ADCY8: variants seen among roughly 807,000 people sequenced by gnomAD.
ADCY8 encodes the protein adenylate cyclase 8.
ADCY8 carries 51 observed loss-of-function variants against 119.7 expected under a neutral mutation model. The observed-to-expected ratio is 0.43, with a 90% confidence interval of 0.34 to 0.54. ADCY8 has a LOEUF of 0.54. Ranked by LOEUF, ADCY8 falls within the 20% of genes least tolerant of loss-of-function variation. The pLI is 0.03. For synonymous variants in ADCY8, 665 were observed against 651.0 expected (o/e 1.02, Z -0.33); for missense variants, 1,383 against 1,598.8 (o/e 0.87, Z 2.30).
intron 16 of ADCY8, among the ~76,000 whole-genome samples, chr8:130,785,037 T>C (rs551834596): frequency 1.9e-4 from 29 of 152,326 alleles, no homozygotes; most frequent in Admixed American, 5.9e-4. Context: ...GTAAGACTTT[T>C]GAAAGACAAA....
At chr8:130,928,818 G>T (rs1820546701) in intron 5 of ADCY8, among the ~76,000 whole-genome samples, 1 of 152,094 alleles carries the variant, frequency 6.6e-6, no homozygotes, top group Non-Finnish European at 1.5e-5. Context: ...AAATGAGGGT[G>T]GAAACAGTTT....
At chr8:130,918,738 T>C (rs1019725027) in intron 5 of ADCY8, among the ~76,000 whole-genome samples, 1 of 152,152 alleles carries the variant, frequency 6.6e-6, no homozygotes, top group Non-Finnish European at 1.5e-5. Context: ...AACCCTTCCA[T>C]TGGACAACCT....
chr8:130,895,968 C>T lies in ADCY8; in HGVS notation c.1911+7804G>A, dbSNP rs953625027. Reference sequence around the variant, plus strand: ...GGGGAGGAATTTCAGGTCAGAATTCCCTGTAGGGAAAGAGAAATCTGTGCT... The same window carrying T: ...GGGGAGGAATTTCAGGTCAGAATTCTCTGTAGGGAAAGAGAAATCTGTGCT... On this transcript the variant is annotated intron_variant, in intron 7 of 17. Transcript: ENST00000286355. 5.3e-5 allele frequency among the ~76,000 whole-genome samples: 8 copies of T among 152,028 alleles called. No homozygotes were observed. In the South Asian group the frequency reaches 1.7e-3, roughly 32 times the overall value.
At chr8:130,854,988 C>T (rs533112737) in intron 9 of ADCY8, among the ~76,000 whole-genome samples, 2 of 146,512 alleles carry the variant, frequency 1.4e-5, no homozygotes, top group Non-Finnish European at 3.0e-5. Flanking sequence ...AGACCAGATA[C>T]ATTGTTCTAT....
At chr8:130,933,613 T>A (rs138020671) in intron 5 of ADCY8, among the ~76,000 whole-genome samples, 1 of 152,340 alleles carries the variant, frequency 6.6e-6, no homozygotes, top group East Asian at 1.9e-4. Context: ...GTTGTTTGGA[T>A]ATCAACAGAT....
intron 5 of ADCY8, among the ~76,000 whole-genome samples, chr8:130,935,938 A>C (rs140100544): frequency 6.6e-6 from 1 of 152,272 alleles, no homozygotes; most frequent in East Asian, 1.9e-4. Flanking sequence ...TCCACCTTTA[A>C]AATCTCTCTA....
intron 15 of ADCY8, 88 bp downstream of exon 15, chr8:130,800,338 A>AT (rs1312082902): frequency 1.3e-5 from 20 of 1,539,968 alleles, no homozygotes; most frequent in Non-Finnish European, 1.5e-5. Context: ...GTGCAAAAAA[A>AT]AAAAATAAGT....
intron 7 of ADCY8, among the ~76,000 whole-genome samples, chr8:130,897,912 C>T (rs1434484603): frequency 6.6e-6 from 1 of 151,170 alleles, no homozygotes; most frequent in East Asian, 2.0e-4. Context: ...TACATGCACA[C>T]TACACATATA....
At chr8:130,817,322 T>C (rs1270752684) in intron 13 of ADCY8, among the ~76,000 whole-genome samples, 1 of 152,228 alleles carries the variant, frequency 6.6e-6, no homozygotes, top group Non-Finnish European at 1.5e-5. Context: ...ATAGATTTTC[T>C]AGCTCTGCCC....
chr8:130,786,244 A>G (rs1392322656), intron 15 of ADCY8, among the ~76,000 whole-genome samples: 1 of 152,196 alleles, frequency 6.6e-6, no homozygotes, highest in Admixed American at 6.5e-5. Flanking sequence ...CAGCACCTAG[A>G]CAGACTGTAG....
intron 8 of ADCY8, among the ~76,000 whole-genome samples, chr8:130,869,925 T>TCC (rs1418723429): frequency 6.9e-6 from 1 of 144,672 alleles, no homozygotes; most frequent in Admixed American, 6.8e-5. Flanking sequence ...CTAAAATTCC[T>TCC]CCTCCTCCTC....
At chr8:130,801,426 T>C (rs1392367956) in intron 14 of ADCY8, among the ~76,000 whole-genome samples, 2 of 152,220 alleles carry the variant, frequency 1.3e-5, no homozygotes, top group African/African-American at 4.8e-5. Flanking sequence ...TTTCCTTCTC[T>C]TGCTGAAGGT....
At chr8:131,013,086 A>G (rs1218933634) in intron 1 of ADCY8, among the ~76,000 whole-genome samples, 1 of 152,204 alleles carries the variant, frequency 6.6e-6, no homozygotes, top group African/African-American at 2.4e-5. Context: ...CTACCCATAT[A>G]TAATTTCCTC....
At chr8:130,861,803 T>C (rs1817937864) in intron 9 of ADCY8, among the ~76,000 whole-genome samples, 1 of 152,104 alleles carries the variant, frequency 6.6e-6, no homozygotes, top group African/African-American at 2.4e-5. Context: ...ATGTTATCTA[T>C]AGCTTTTTTT....
At chr8:130,863,383 C>T (rs773961146) in intron 9 of ADCY8, among the ~76,000 whole-genome samples, 4 of 142,266 alleles carry the variant, frequency 2.8e-5, no homozygotes, top group African/African-American at 5.0e-5. Context: ...TATACAACAT[C>T]TATTGGGGCC....
At chr8:130,921,472 CAG>C (rs1272461969) in intron 5 of ADCY8, among the ~76,000 whole-genome samples, 1 of 119,028 alleles carries the variant, frequency 8.4e-6, no homozygotes, top group African/African-American at 3.2e-5. Flanking sequence ...TTTTTTGAGA[CAG>C]AGTTTTGCTC....
At chr8:131,009,093 C>G (rs532030982) in intron 1 of ADCY8, among the ~76,000 whole-genome samples, 72 of 152,192 alleles carry the variant, frequency 4.7e-4, no homozygotes, top group Non-Finnish European at 8.2e-4. Flanking sequence ...GAGAGAAATT[C>G]GAGCCAGCTG....
At chr8:130,827,195 A>C (rs1027013297) in intron 12 of ADCY8, among the ~76,000 whole-genome samples, 2 of 152,228 alleles carry the variant, frequency 1.3e-5, no homozygotes, top group African/African-American at 4.8e-5. Flanking sequence ...GGAAGTCTTC[A>C]TTAAGGTTTC....
chr8:130,814,848 G>A (rs551545180), intron 13 of ADCY8, among the ~76,000 whole-genome samples: 1 of 152,320 alleles, frequency 6.6e-6, no homozygotes, highest in Non-Finnish European at 1.5e-5. Context: ...AATTCAGGGT[G>A]AGATTTGGGT....
Sources: gnomAD v4.1 joint callset for allele counts (sites outside exome capture counted in the v4.1 genomes callset) on GRCh38, gnomAD v4.1.1 for gene constraint, MANE v1.5 for transcripts, NCBI Gene and HGNC (gene_info 2026-07-23, HGNC 2026-07-21) for gene names.